RNF150: variants seen among roughly 807,000 people sequenced by gnomAD.
RNF150 encodes the protein ring finger protein 150.
Under a neutral mutation model 39.3 loss-of-function variants are expected in RNF150, and 24 were observed. The ratio of observed to expected loss-of-function variants is 0.61; its 90% CI spans 0.44 to 0.86. The LOEUF is 0.86. Ranked by LOEUF, RNF150 falls within the 40% of genes least tolerant of loss-of-function variation. RNF150 has a pLI of 0.00. For synonymous variants in RNF150, 255 were observed against 227.3 expected, an observed-to-expected ratio of 1.12 and a Z score of -1.10; for missense variants, 502 against 587.8, an observed-to-expected ratio of 0.85 and a Z score of 1.51.
rs368953030 is a variant in RNF150 at position 141,048,385 on chromosome 4, C to A, written c.485-80512G>T. On this transcript the variant is annotated intron_variant, in intron 1 of 6. Transcript: ENST00000515673. Reference sequence around the variant, plus strand: ...TATGCAGCCATGGACCACTGGGAAACAAAGCCCACAAGAAGATCCATCTTG... The same window carrying A: ...TATGCAGCCATGGACCACTGGGAAAAAAAGCCCACAAGAAGATCCATCTTG... Among the ~76,000 whole-genome samples, 25 of 152,240 alleles carry A rather than the reference C, an allele frequency of 1.6e-4. No homozygotes were observed. The East Asian group carries it at 4.3e-3, about 26-fold the overall frequency.
At chr4:141,187,285 TTAGAA>T (rs1007985292) in intron 1 of RNF150, among the ~76,000 whole-genome samples, 2 of 152,196 alleles carry the variant, frequency 1.3e-5, no homozygotes, top group African/African-American at 4.8e-5. Context: ...ATGGTCAATT[TTAGAA>T]TAAGTGTGGT....
chr4:140,995,786 A>G (rs997121868), intron 1 of RNF150, among the ~76,000 whole-genome samples: 1 of 152,096 alleles, frequency 6.6e-6, no homozygotes, highest in Non-Finnish European at 1.5e-5. Flanking sequence ...TTCCATCCAT[A>G]TTGTTGCAAA....
intron 6 of RNF150, 72 bp downstream of exon 6, chr4:140,911,072 A>C: frequency 8.3e-7 from 1 of 1,211,976 alleles, no homozygotes; most frequent in Non-Finnish European, 1.2e-6. Flanking sequence ...TTTTGAGGAA[A>C]GGTATTTTTT....
At chr4:141,104,141 G>A (rs922883822) in intron 1 of RNF150, among the ~76,000 whole-genome samples, 2 of 152,048 alleles carry the variant, frequency 1.3e-5, no homozygotes, top group African/African-American at 4.8e-5. Context: ...TGTGCATATC[G>A]CCTCATTGGC....
At chr4:141,183,817 T>C (rs1455771508) in intron 1 of RNF150, among the ~76,000 whole-genome samples, 1 of 152,160 alleles carries the variant, frequency 6.6e-6, no homozygotes, top group African/African-American at 2.4e-5. Context: ...TTCATCCATG[T>C]CCTTGCAAAG....
chr4:141,006,369 T>C (rs1486040554), intron 1 of RNF150, among the ~76,000 whole-genome samples: 1 of 152,086 alleles, frequency 6.6e-6, no homozygotes, highest in East Asian at 1.9e-4. Flanking sequence ...GTCAGTTCTG[T>C]AATCTCCTAT....
chr4:141,116,947 C>G (rs1417158230), intron 1 of RNF150, among the ~76,000 whole-genome samples: 3 of 151,238 alleles, frequency 2.0e-5, no homozygotes, highest in African/African-American at 7.3e-5. Context: ...AGGATGAGAA[C>G]ACATGAACAC....
intron 1 of RNF150, among the ~76,000 whole-genome samples, chr4:141,092,918 G>T (rs1738642996): frequency 6.6e-6 from 1 of 151,852 alleles, no homozygotes; most frequent in South Asian, 2.1e-4. Flanking sequence ...TGTCTGAGTA[G>T]GAAAAAAGGC....
chr4:140,906,659 G>A (rs1730387499), intron 6 of RNF150, among the ~76,000 whole-genome samples: 1 of 152,126 alleles, frequency 6.6e-6, no homozygotes, highest in African/African-American at 2.4e-5. Context: ...CCAAGTTTTT[G>A]CCTTTACATT....
At chr4:140,954,118 G>A (rs570878344) in intron 2 of RNF150, among the ~76,000 whole-genome samples, 1 of 152,310 alleles carries the variant, frequency 6.6e-6, no homozygotes, top group East Asian at 1.9e-4. Context: ...CCTCAGGTTT[G>A]AGTCAGTCTT....
chr4:140,923,652 T>C (rs35022574), intron 5 of RNF150, among the ~76,000 whole-genome samples: 1 of 152,160 alleles, frequency 6.6e-6, no homozygotes, highest in South Asian at 2.1e-4. Context: ...AATCATGCTG[T>C]TATAAAGACA....
rs116561299 is a variant in RNF150, at chr4:141,209,660, T to G, written c.-6+3134A>C. 5.4e-3 allele frequency among the ~76,000 whole-genome samples: 815 copies of G among 152,224 alleles called. 9 individuals carry two copies. The highest frequency in any genetic ancestry group is 0.019 in the African/African-American group (784 of 41,514). On this transcript the variant is annotated intron_variant, in intron 1 of 7. Transcript: ENST00000420921. ...ATTGGGTTGCTTGTCTTTTTAAATT[T>G]ATTAAGAGTTCATAATTTCATCATG...
At chr4:141,035,808 A>C (rs922639489) in intron 1 of RNF150, among the ~76,000 whole-genome samples, 4 of 152,176 alleles carry the variant, frequency 2.6e-5, no homozygotes, top group Non-Finnish European at 5.9e-5. Flanking sequence ...GTGTCATTTC[A>C]ATTTAACAAA....
intron 1 of RNF150, among the ~76,000 whole-genome samples, chr4:141,032,609 T>TG (rs1735990178): frequency 1.3e-5 from 2 of 151,556 alleles, no homozygotes; most frequent in African/African-American, 2.4e-5. Context: ...TAAAGCTCTG[T>TG]GAAAAAAAAA....
intron 6 of RNF150, among the ~76,000 whole-genome samples, chr4:140,886,190 C>CAAA (rs1171164182): frequency 0.011 from 810 of 72,668 alleles, 17 homozygotes; most frequent in African/African-American, 0.014. Context: ...GACTCCATCA[C>CAAA]AAAAAAAAAA....
intron 1 of RNF150, among the ~76,000 whole-genome samples, chr4:141,039,557 T>C (rs1397066407): frequency 6.6e-6 from 1 of 152,054 alleles, no homozygotes; most frequent in African/African-American, 2.4e-5. Flanking sequence ...TAAAATTAAA[T>C]AGGTGATGAA....
intron 1 of RNF150, among the ~76,000 whole-genome samples, chr4:141,165,015 G>C (rs1293873190): frequency 6.6e-6 from 1 of 152,152 alleles, no homozygotes; most frequent in Admixed American, 6.5e-5. Flanking sequence ...ATTGGATAAA[G>C]AGTCAAAACT....
chr4:140,906,339 T>A (rs554897293), intron 6 of RNF150, among the ~76,000 whole-genome samples: 1 of 151,870 alleles, frequency 6.6e-6, no homozygotes, highest in South Asian at 2.1e-4. Context: ...AATATACAAA[T>A]AAAAATAATA....
chr4:140,909,449 G>A lies in RNF150; in HGVS notation c.1198+1695C>T, dbSNP rs147516849. 3.2e-3 allele frequency among the ~76,000 whole-genome samples: 482 copies of A among 151,992 alleles called. 3 individuals are homozygous for A. The highest frequency in any genetic ancestry group is 0.01 in the African/African-American group (428 of 41,450). On this transcript the variant is annotated intron_variant, in intron 6 of 6. Transcript: ENST00000515673. Reference sequence around the variant, plus strand: ...GTTTTAATATTGGAGACAATATTTTGTCTCAATAAAATTTAAGTTCTTTAC... The same window carrying A: ...GTTTTAATATTGGAGACAATATTTTATCTCAATAAAATTTAAGTTCTTTAC...
Sources: gnomAD v4.1 joint callset for allele counts (sites outside exome capture counted in the v4.1 genomes callset) on GRCh38, gnomAD v4.1.1 for gene constraint, MANE v1.5 for transcripts, NCBI Gene and HGNC (gene_info 2026-07-23, HGNC 2026-07-21) for gene names.